LYPD6B: variants seen among roughly 807,000 people sequenced by gnomAD.
The protein encoded by LYPD6B is ly6/PLAUR domain-containing protein 6B.
A neutral mutation model predicts 22.8 loss-of-function variants in LYPD6B; 17 were observed. The observed-to-expected ratio is 0.75, with a 90% confidence interval of 0.51 to 1.12. LYPD6B has a LOEUF of 1.12. LYPD6B is among the 50% of genes most tolerant of loss of function. The probability of loss-of-function intolerance (pLI) is 0.00; values close to 1 mark genes in which losing one functional copy is unlikely to be tolerated. For missense variants in LYPD6B, 221 were observed against 258.3 expected (o/e 0.86, Z 0.99); for synonymous variants, 106 against 91.6 (o/e 1.16, Z -0.90).
chr2:149,213,074 T>C lies in LYPD6B; in HGVS notation c.411T>C (p.Ser137=). ...TSITKKCASR[S]ECHFVGCHHS... ...TCACCAAAAAGTGTGCCTCCAGAAG[T>C]GAATGTCATTTTGTCGGTTGCCACC... Residue 137 remains serine, a synonymous_variant, in exon 6 of 7, where the codon AGT becomes AGC. Transcript: ENST00000409642. The C allele has an allele frequency of 6.2e-7, 1 of 1,613,948 alleles. No individual in the cohort carries two copies. The highest frequency in any genetic ancestry group is 8.5e-7 in the Non-Finnish European group (1 of 1,179,858).
At chr2:149,044,275 C>T (rs1683210991) in intron 1 of LYPD6B, among the ~76,000 whole-genome samples, 1 of 151,996 alleles carries the variant, frequency 6.6e-6, no homozygotes, top group Non-Finnish European at 1.5e-5. Flanking sequence ...TATAACCATC[C>T]ATTTATTTAA....
intron 3 of LYPD6B, chr2:149,204,390 A>T (rs1210913389): frequency 6.5e-6 from 1 of 154,384 alleles, no homozygotes; most frequent in African/African-American, 2.4e-5. Flanking sequence ...TGGTGACATT[A>T]TAAATTTTCT....
intron 2 of LYPD6B, among the ~76,000 whole-genome samples, chr2:149,150,957 T>C (rs1689331232): frequency 6.6e-6 from 1 of 152,188 alleles, no homozygotes; most frequent in Non-Finnish European, 1.5e-5. Context: ...TCCTACCCTA[T>C]TCTCATTATT....
At chr2:149,187,502 G>T (rs1692195402) in intron 3 of LYPD6B, 16 of 1,507,296 alleles carry the variant, frequency 1.1e-5, no homozygotes, top group Non-Finnish European at 1.4e-5. Context: ...GATATTTTCA[G>T]CTGAATATTG....
intron 2 of LYPD6B, chr2:149,131,334 C>T: frequency 5.4e-6 from 1 of 184,974 alleles, no homozygotes; most frequent in Non-Finnish European, 1.1e-5. Context: ...TGGTTCTGTT[C>T]ACTGAAGATA....
chr2:149,113,990 T>A (rs551815037), intron 1 of LYPD6B, among the ~76,000 whole-genome samples: 1 of 152,308 alleles, frequency 6.6e-6, no homozygotes, highest in Admixed American at 6.5e-5. Flanking sequence ...TTTGGGTATG[T>A]GCCATTTATC....
At chr2:149,039,002 G>A (rs1468114103) in intron 1 of LYPD6B, among the ~76,000 whole-genome samples, 4 of 151,302 alleles carry the variant, frequency 2.6e-5, no homozygotes, top group Admixed American at 1.3e-4. Flanking sequence ...TCGGGGTCTG[G>A]TCGCTGCCTC....
chr2:149,174,290 T>G (rs949748832), intron 3 of LYPD6B, among the ~76,000 whole-genome samples: 1 of 152,186 alleles, frequency 6.6e-6, no homozygotes, highest in Non-Finnish European at 1.5e-5. Flanking sequence ...TGGGCTGAGA[T>G]GATGGTGTTT....
chr2:149,054,247 C>T (rs980376471), intron 1 of LYPD6B, among the ~76,000 whole-genome samples: 1 of 152,126 alleles, frequency 6.6e-6, no homozygotes, highest in African/African-American at 2.4e-5. Flanking sequence ...TTTCCATATT[C>T]TTGCTGATGA....
intron 1 of LYPD6B, among the ~76,000 whole-genome samples, chr2:149,087,129 C>T (rs1037320035): frequency 3.3e-5 from 5 of 152,014 alleles, no homozygotes. Flanking sequence ...GCTAAAGAAA[C>T]ATATCCTATT....
intron 3 of LYPD6B, among the ~76,000 whole-genome samples, chr2:149,191,166 C>A (rs1271469550): frequency 6.6e-6 from 1 of 152,090 alleles, no homozygotes; most frequent in African/African-American, 2.4e-5. Flanking sequence ...ATGCTTAGAG[C>A]AAACTCCAGA....
rs1054461979 is a variant in LYPD6B, at chr2:149,130,869, G to A, written c.-66-14G>A. The A allele has an allele frequency of 3.9e-6, 4 of 1,038,722 alleles. No individual in the cohort carries two copies. Among genetic ancestry groups the A allele is most frequent in the South Asian group, 1.3e-5 (1 of 76,350 alleles). 64.3% of individuals were successfully genotyped at this position (1,038,722 alleles called of 1,614,324 possible). A position where few individuals can be genotyped will look rare whatever the true frequency, so the allele number is the denominator to read the frequency against. On this transcript the variant is annotated splice_polypyrimidine_tract_variant and intron_variant, in intron 1 of 6. Coordinates refer to ENST00000409642, the MANE Select transcript of LYPD6B (RefSeq NM_177964.5). ...ATCAGTCATAATGATACCTTTTCAT[G>A]TTCATTTGTTTAGATATGCCACACT...
At chr2:149,173,349 CTTTTTTTTTTTT>C (rs67113716) in intron 3 of LYPD6B, among the ~76,000 whole-genome samples, 1 of 58,488 alleles carries the variant, frequency 1.7e-5, no homozygotes, top group Non-Finnish European at 2.9e-5. Flanking sequence ...TCTGTCAGGC[CTTTTTTTTTTTT>C]TTTTTTTTGC....
chr2:149,098,765 CTT>C (rs10658424), intron 1 of LYPD6B, among the ~76,000 whole-genome samples: 5 of 140,080 alleles, frequency 3.6e-5, no homozygotes, highest in African/African-American at 2.6e-5. Context: ...TGTGCTTTTT[CTT>C]TTTTTTTTTT....
chr2:149,055,578 C>T (rs1039057039), intron 1 of LYPD6B, among the ~76,000 whole-genome samples: 7 of 152,270 alleles, frequency 4.6e-5, no homozygotes, highest in Admixed American at 3.9e-4. Flanking sequence ...TTATAATTTT[C>T]TGCTTACAAG....
chr2:149,071,155 A>G (rs748390308), intron 1 of LYPD6B, among the ~76,000 whole-genome samples: 25 of 152,224 alleles, frequency 1.6e-4, no homozygotes, highest in Admixed American at 6.5e-5. Context: ...GATTTTGCTG[A>G]GTCCATAGCA....
chr2:149,076,936 T>A lies in LYPD6B; in HGVS notation c.-67+38135T>A, dbSNP rs555025031. ...AGGTTAAGATGTGCTGGGGTTAGAG[T>A]TGGTTCTGTGGGGAGGAGGAGGAAA... On this transcript the variant is annotated intron_variant, in intron 1 of 6. Coordinates refer to ENST00000409642, the MANE Select transcript of LYPD6B (RefSeq NM_177964.5). Among the ~76,000 whole-genome samples the A allele has an allele frequency of 2.0e-5, 3 of 152,194 alleles. No homozygotes were observed. The South Asian group carries it at 6.2e-4, about 32-fold the overall frequency.
chr2:149,061,685 C>A (rs1299381660), intron 1 of LYPD6B, among the ~76,000 whole-genome samples: 1 of 152,172 alleles, frequency 6.6e-6, no homozygotes, highest in Non-Finnish European at 1.5e-5. Context: ...GTAAAATAAT[C>A]TCCCTCCTTT....
intron 1 of LYPD6B, among the ~76,000 whole-genome samples, chr2:149,128,503 C>G (rs560613666): frequency 6.6e-6 from 1 of 152,304 alleles, no homozygotes; most frequent in East Asian, 1.9e-4. Flanking sequence ...ATGAGAGAGT[C>G]TCACAAGGAT....
Sources: allele counts gnomAD v4.1 joint callset (sites outside exome capture counted in the v4.1 genomes callset), GRCh38; gene constraint gnomAD v4.1.1; transcripts MANE v1.5; gene names NCBI Gene and HGNC (gene_info 2026-07-23, HGNC 2026-07-21).